The following VILL variants were observed in gnomAD, a reference collection of about 807,000 sequenced individuals.
The protein encoded by VILL is villin-like protein.
VILL carries 102 observed loss-of-function variants against 106.3 expected under a neutral mutation model. The observed-to-expected ratio is 0.96, with a 90% CI of 0.82 to 1.13. The LOEUF (loss-of-function observed/expected upper bound fraction) is 1.13, where lower values mean the gene tolerates loss of function less well. Ranked by LOEUF, VILL falls within the 50% of genes most tolerant of loss-of-function variation. The pLI, the probability that VILL is intolerant of heterozygous loss-of-function variation, is 0.00. For synonymous variants in VILL, 431 were observed against 440.3 expected (o/e 0.98, Z 0.27); for missense variants, 1,076 against 1,116.6 (o/e 0.96, Z 0.52).
chr3:38,003,161 C>G lies in VILL; in HGVS notation c.1660-7C>G. 6.2e-7 allele frequency: 1 copy of G among 1,613,466 alleles called. No homozygotes were observed. Among genetic ancestry groups the G allele is most frequent in the Non-Finnish European group, 8.5e-7 (1 of 1,179,744 alleles). On this transcript the variant is annotated splice_polypyrimidine_tract_variant and splice_region_variant and intron_variant, in intron 14 of 19. Coordinates refer to ENST00000383759, the MANE Select transcript of VILL (RefSeq NM_015873.4). ...TGCAGGGCCTGAGCCATCTCTTTGCCTGCTAGGGCTGTAATGGTGATCAGC... is the reference window on the plus strand; with the variant it reads ...TGCAGGGCCTGAGCCATCTCTTTGCGTGCTAGGGCTGTAATGGTGATCAGC...
Position 37,997,706 on chromosome 3 carries a change from CA to C in VILL, c.764+22del. ...TACCAGTGAGTACCCCTGGGGTGGG[CA>C]GGGGTGGGTGGGACAGTCCAGGACT... On this transcript the variant is annotated intron_variant, in intron 7 of 19. Transcript: ENST00000383759. This position sits in a 1 kb window ranked among gnomAD's most constrained non-coding sequence, Gnocchi z 4.7. 9.0e-7 allele frequency: 1 copy of C among 1,108,338 alleles called. No individual in the cohort carries two copies. The allele number at this position is 1,108,338 out of a possible 1,614,324, so 68.7% of individuals were successfully genotyped here.
intron 1 of VILL, chr3:37,993,351 T>TAA: frequency 3.0e-6 from 1 of 330,378 alleles, no homozygotes; most frequent in African/African-American, 2.1e-5. Flanking sequence ...ACCCAGAAGG[T>TAA]GGAGGTTGCA....
In VILL at chr3:37,993,630, G is replaced by T; in HGVS notation, c.-43G>T. ...GTCGGTCTCCAGCCTGAGAACTCTG[G>T]CTGTTGTTCCTTGTGTCGTCCCATA... On this transcript the variant is annotated 5_prime_UTR_variant, in exon 2 of 20. Coordinates refer to ENST00000383759, the MANE Select transcript of VILL (RefSeq NM_015873.4). 2 of 1,599,620 alleles carry T rather than the reference G, an allele frequency of 1.3e-6. No homozygotes were observed. Among genetic ancestry groups the T allele is most frequent in the South Asian group, 2.2e-5 (2 of 90,424 alleles).
At position 37,990,982 on chromosome 3, in the gene VILL, G is replaced by A. The variant is rs748884041; in HGVS notation, c.-87+153G>A. The stretch of plus-strand genomic sequence containing the variant: ...ATTGGGAGGCGGCAGCAGCCCAGCA[G>A]GTGAAAACACTGATGGGGCAGGGCA... On this transcript the variant is annotated intron_variant, in intron 1 of 19. Coordinates refer to ENST00000383759, the MANE Select transcript of VILL (RefSeq NM_015873.4). This position sits in a 1 kb window ranked among gnomAD's most constrained non-coding sequence, Gnocchi z 5.1. Among the ~76,000 whole-genome samples the A allele has an allele frequency of 3.3e-5, 5 of 152,200 alleles. No homozygotes were observed. The highest frequency in any genetic ancestry group is 5.9e-5 in the Non-Finnish European group (4 of 68,040).
At position 37,995,812 on chromosome 3, in the gene VILL, C is replaced by T. The variant is rs765700258; in HGVS notation, c.415C>T (p.His139Tyr). 8.7e-6 allele frequency: 14 copies of T among 1,613,900 alleles called. No individual in the cohort carries two copies. Among genetic ancestry groups the T allele is most frequent in the African/African-American group, 1.3e-5 (1 of 75,048 alleles). The change falls in exon 5 of 20, where the codon CAC (histidine) becomes TAC (tyrosine). Residue 139 changes from histidine to tyrosine, a missense_variant. Coordinates refer to ENST00000383759, the MANE Select transcript of VILL (RefSeq NM_015873.4). ...CTTGTTCAACATCCAGCGACTGCTG[C>T]ACATCAAAGGGAGGAAGCACGTGTC... ...TNLFNIQRLL[H>Y]IKGRKHVSAT...
chr3:37,994,821 G>A (rs1699672959), intron 4 of VILL, among the ~76,000 whole-genome samples: 2 of 152,332 alleles, frequency 1.3e-5, no homozygotes, highest in South Asian at 4.1e-4. Flanking sequence ...CCTCTTCCGG[G>A]CATGTCATAG....
chr3:37,990,463 T>C (rs1699595352), upstream of VILL, among the ~76,000 whole-genome samples: 1 of 152,098 alleles, frequency 6.6e-6, no homozygotes, highest in African/African-American at 2.4e-5. The surrounding 1 kb of genome is among the most constrained non-coding windows in gnomAD (Gnocchi z 5.1). Context: ...GGGTGAGGGA[T>C]CAGGGGCCCA....
Position 37,994,409 on chromosome 3 carries a change from G to A in VILL, c.284G>A (p.Arg95His). 1 of 1,612,526 alleles carries A rather than the reference G, an allele frequency of 6.2e-7. No individual in the cohort carries two copies. Among genetic ancestry groups the A allele is most frequent in the Non-Finnish European group, 8.5e-7 (1 of 1,179,830 alleles). ...DELGGQTVLH[R>H]EAQGHESDCF... ...CTGGGGGGCCAGACCGTGCTGCACCGCGAGGCGCAGGGCCACGAGTCCGAC... is the reference window on the plus strand; with the variant it reads ...CTGGGGGGCCAGACCGTGCTGCACCACGAGGCGCAGGGCCACGAGTCCGAC... The change falls in exon 4 of 20, where the codon CGC becomes CAC. Residue 95 changes from arginine to histidine, a missense_variant. Coordinates refer to ENST00000383759, the MANE Select transcript of VILL (RefSeq NM_015873.4).
rs1255610573 is a variant in VILL at position 38,001,455 on chromosome 3, G to T, written c.1183-1G>T. The stretch of plus-strand genomic sequence containing the variant: ...GTGCCCATTGGTCCCTTATTCCCCA[G>T]GTGTGGTGCATCCAGGACTTACACA... On this transcript the variant is annotated splice_acceptor_variant, in intron 11 of 19. Transcript: ENST00000383759. LOFTEE classifies it high-confidence loss of function. The T allele has an allele frequency of 7.4e-6, 12 of 1,613,984 alleles. No homozygotes were observed. In the South Asian group the frequency reaches 1.3e-4, roughly 18 times the overall value.
At chr3:38,002,014 G>C in intron 13 of VILL, 154 bp downstream of exon 13, 1 of 1,279,564 alleles carries the variant, frequency 7.8e-7, no homozygotes, top group Non-Finnish European at 1.1e-6. Context: ...GAGCTCCAAG[G>C]TTGGCCCCCT....
At chr3:38,005,316 C>G (rs1287220440) in intron 16 of VILL, among the ~76,000 whole-genome samples, 1 of 152,144 alleles carries the variant, frequency 6.6e-6, no homozygotes, top group Non-Finnish European at 1.5e-5. Context: ...ACAATGGCCT[C>G]TTTGTGTTCC....
At chr3:37,995,260 T>C (rs1699680014) in intron 4 of VILL, among the ~76,000 whole-genome samples, 1 of 152,238 alleles carries the variant, frequency 6.6e-6, no homozygotes, top group African/African-American at 2.4e-5. Flanking sequence ...TCATTTCCAT[T>C]TCATACAGTT....
chr3:38,001,618 A>G, intron 12 of VILL, 25 bp downstream of exon 12: 1 of 1,613,688 alleles, frequency 6.2e-7, no homozygotes, highest in South Asian at 1.1e-5. Context: ...GGGAGGCAGC[A>G]CTCACCTTAA....
Position 38,006,805 on chromosome 3 carries a change from ATG to A in VILL, c.2457+109_2457+110del, listed in dbSNP as rs1699938708. On this transcript the variant is annotated intron_variant, in intron 19 of 19. Transcript: ENST00000383759. ...GGGCAGTGGGCAACTGCCCCGGGAG[ATG>A]TGTCTTCTAGCTGGGGTGGTGGGCA... The A allele has an allele frequency of 9.8e-6, 15 of 1,533,104 alleles. No homozygotes were observed. The South Asian group carries it at 1.7e-4, about 18-fold the overall frequency. The allele number at this position is 1,533,104 out of a possible 1,614,324, so 95.0% of individuals were successfully genotyped here.
intron 1 of VILL, among the ~76,000 whole-genome samples, chr3:37,992,484 G>A (rs1361347438): frequency 6.6e-6 from 1 of 152,096 alleles, no homozygotes; most frequent in East Asian, 1.9e-4. Flanking sequence ...CAGTCCAGTC[G>A]CAGGGCAGCA....
At chr3:38,005,643 G>A (rs1306366087) in intron 16 of VILL, 149 bp from the exon 17 acceptor site, 2 of 759,118 alleles carry the variant, frequency 2.6e-6, no homozygotes, top group African/African-American at 1.7e-5. Context: ...ACGGGTGTGT[G>A]GGTACAGCCG....
At chr3:37,996,965 A>G (rs1699712857) in intron 5 of VILL, 112 bp from the exon 6 acceptor site, 7 of 856,776 alleles carry the variant, frequency 8.2e-6, no homozygotes, top group African/African-American at 3.3e-5. Context: ...ACACATGCCT[A>G]CGTACACCCA....
Position 37,997,190 on chromosome 3 carries a change from C to A in VILL, c.561+3C>A. 6.2e-7 allele frequency: 1 copy of A among 1,613,786 alleles called. No homozygotes were observed. The highest frequency in any genetic ancestry group is 1.1e-5 in the South Asian group (1 of 91,028). Reference sequence around the variant, plus strand: ...CCAGCATTTCTGAGAAGGCTCGGGTCAGTGTCTGCCCAAGGAACTGGGGAG... The same window carrying A: ...CCAGCATTTCTGAGAAGGCTCGGGTAAGTGTCTGCCCAAGGAACTGGGGAG... On this transcript the variant is annotated splice_donor_region_variant and intron_variant, in intron 6 of 19. Coordinates refer to ENST00000383759, the MANE Select transcript of VILL (RefSeq NM_015873.4). The surrounding 1 kb of genome is among the most constrained non-coding windows in gnomAD (Gnocchi z 4.7).
Position 38,001,771 on chromosome 3 carries a change from G to C in VILL, c.1390G>C (p.Gly464Arg). 1 of 1,614,260 alleles carries C rather than the reference G, an allele frequency of 6.2e-7. No homozygotes were observed. The highest frequency in any genetic ancestry group is 8.5e-7 in the Non-Finnish European group (1 of 1,180,032). Residue 464 changes from glycine to arginine, a missense_variant, in exon 13 of 20, where the codon GGT (glycine) becomes CGT (arginine). Gly to Arg is a moderately radical substitution (Grantham distance 125). Coordinates refer to ENST00000383759, the MANE Select transcript of VILL (RefSeq NM_015873.4). The stretch of plus-strand genomic sequence containing the variant: ...CGCTGAGGAACTAGATGTCATGTAT[G>C]GTGGCGTCCTAGTACAGGAGCATGT... The part of the protein sequence containing the change: ...SNAEELDVMY[G>R]GVLVQEHVTM...
Sources: gnomAD v4.1 joint callset for allele counts (sites outside exome capture counted in the v4.1 genomes callset) on GRCh38, gnomAD v4.1.1 for gene constraint, Gnocchi (gnomAD v3.1) non-coding constraint, MANE v1.5 for transcripts, NCBI Gene and HGNC (gene_info 2026-07-23, HGNC 2026-07-21) for gene names.